Variants in CCDC66 observed in about 807,000 individuals in gnomAD.
CCDC66 encodes the protein coiled-coil domain containing 66, also known as coiled-coil domain-containing protein 66.
CCDC66 carries 133 observed loss-of-function variants against 128.3 expected under a neutral mutation model. The ratio of observed to expected loss-of-function variants is 1.04; its 90% CI spans 0.90 to 1.20. The LOEUF (loss-of-function observed/expected upper bound fraction) is 1.20, where lower values mean the gene tolerates loss of function less well. Ranked by LOEUF, CCDC66 falls within the 50% of genes most tolerant of loss-of-function variation. The probability of loss-of-function intolerance (pLI) is 0.00; values close to 1 mark genes in which losing one functional copy is unlikely to be tolerated. For synonymous variants in CCDC66, 387 were observed against 357.0 expected, an observed-to-expected ratio of 1.08 and a Z score of -0.95; for missense variants, 1,126 against 1,075.5, an observed-to-expected ratio of 1.05 and a Z score of -0.66.
chr3:56,575,893 A>T (rs1270321088), intron 7 of CCDC66, among the ~76,000 whole-genome samples: 1 of 151,702 alleles, frequency 6.6e-6, no homozygotes, highest in Non-Finnish European at 1.5e-5. Context: ...TGTGTATGTG[A>T]GGATTTATTT....
At chr3:56,621,341 G>T in intron 17 of CCDC66, 191 bp from the exon 18 acceptor site, 1 of 393,210 alleles carries the variant, frequency 2.5e-6, no homozygotes, top group Non-Finnish European at 4.6e-6. Context: ...GCTAAAAACA[G>T]AATCTTACAA....
chr3:56,593,871 C>T (rs1268698094), intron 9 of CCDC66, 73 bp from the exon 10 acceptor site: 1 of 1,585,984 alleles, frequency 6.3e-7, no homozygotes, highest in Non-Finnish European at 8.6e-7. Flanking sequence ...AGATTTATCC[C>T]AAACAAAAAT....
chr3:56,617,971 A>G, intron 14 of CCDC66: 1 of 604,268 alleles, frequency 1.7e-6, no homozygotes. Context: ...TATAGTCCAC[A>G]TAGACAGAGG....
chr3:56,585,116 AGGGGGAGAGGGAGAGG>A (rs1244986761), intron 7 of CCDC66, among the ~76,000 whole-genome samples: 1 of 88,324 alleles, frequency 1.1e-5, no homozygotes, highest in Non-Finnish European at 2.7e-5. Flanking sequence ...GGGGAGGGGG[AGGGGGAGAGGGAGAGG>A]GAGGGAGAGG....
At chr3:56,578,999 T>C (rs1312840997) in intron 7 of CCDC66, among the ~76,000 whole-genome samples, 1 of 151,856 alleles carries the variant, frequency 6.6e-6, no homozygotes, top group Non-Finnish European at 1.5e-5. Flanking sequence ...CAGCTCCTCT[T>C]TATACCTCTG....
At chr3:56,559,796 C>G (rs1184953404) in intron 3 of CCDC66, among the ~76,000 whole-genome samples, 1 of 152,166 alleles carries the variant, frequency 6.6e-6, no homozygotes, top group African/African-American at 2.4e-5. Flanking sequence ...GAACCTCTTT[C>G]TCTAGATAAG....
chr3:56,596,005 C>G (rs2071833307), intron 10 of CCDC66, among the ~76,000 whole-genome samples: 1 of 152,168 alleles, frequency 6.6e-6, no homozygotes, highest in Admixed American at 6.5e-5. Flanking sequence ...GCCTCATACC[C>G]CTGGGCTCAA....
chr3:56,565,180 G>C (rs55831745), intron 4 of CCDC66: 162,817 of 412,810 alleles, frequency 0.39, 38,434 homozygotes, highest in Non-Finnish European at 0.53. Context: ...TGATTTCACA[G>C]CTAAATAAGA....
Position 56,557,200 on chromosome 3 carries a change from CA to C in CCDC66, c.-41del. The C allele has an allele frequency of 6.4e-7, 1 of 1,551,202 alleles. No individual in the cohort carries two copies. The highest frequency in any genetic ancestry group is 1.4e-5 in the African/African-American group (1 of 73,124). On this transcript the variant is annotated 5_prime_UTR_variant, in exon 1 of 18. Transcript: ENST00000394672. ...GAGCGGCGGCGGCAACCGACGTACA[CA>C]AGGGGCTTGAGCGTTCTGTGGAGAG...
At chr3:56,605,759 C>T (rs2073975502) in intron 10 of CCDC66, among the ~76,000 whole-genome samples, 1 of 152,034 alleles carries the variant, frequency 6.6e-6, no homozygotes, top group Non-Finnish European at 1.5e-5. Context: ...CAGGGACCCA[C>T]TTGAGGAGGC....
At position 56,566,550 on chromosome 3, in the gene CCDC66, A is replaced by G. The variant is rs760726995; in HGVS notation, c.545-44A>G. On this transcript the variant is annotated intron_variant, in intron 4 of 17. Transcript: ENST00000394672. Reference sequence around the variant, plus strand: ...AGCACTATGCCAAGTATTATAACAGATGTAATTTAGTGTTAATTTTAAAAC... The same window carrying G: ...AGCACTATGCCAAGTATTATAACAGGTGTAATTTAGTGTTAATTTTAAAAC... 4.8e-6 allele frequency: 6 copies of G among 1,254,586 alleles called. No homozygotes were observed. The African/African-American group carries it at 7.4e-5, about 16-fold the overall frequency. The allele number at this position is 1,254,586 out of a possible 1,614,324, so 77.7% of individuals were successfully genotyped here. A position where few individuals can be genotyped will look rare whatever the true frequency, so the allele number is the denominator to read the frequency against.
At chr3:56,567,888 C>CACTG (rs1402814395) in intron 6 of CCDC66, among the ~76,000 whole-genome samples, 1 of 151,926 alleles carries the variant, frequency 6.6e-6, no homozygotes, top group Non-Finnish European at 1.5e-5. Context: ...GACGGGGTTT[C>CACTG]ACTGTGTTAG....
chr3:56,583,929 C>T (rs1577516381), intron 7 of CCDC66, among the ~76,000 whole-genome samples: 2 of 88,768 alleles, frequency 2.3e-5, no homozygotes, highest in South Asian at 6.3e-4. Flanking sequence ...CGGGGGCTGC[C>T]CCCCACCTCC....
At position 56,593,660 on chromosome 3, in the gene CCDC66, G is replaced by T. The variant is rs1296430882; in HGVS notation, c.1238G>T (p.Gly413Val). The T allele has an allele frequency of 6.2e-7, 1 of 1,614,076 alleles. No homozygotes were observed. The highest frequency in any genetic ancestry group is 8.5e-7 in the Non-Finnish European group (1 of 1,180,048). The change falls in exon 9 of 18, where the codon GGA becomes GTA. Residue 413 changes from glycine to valine, a missense_variant. By Grantham distance (109) the Gly-to-Val change is moderately radical. Coordinates refer to ENST00000394672, the MANE Select transcript of CCDC66 (RefSeq NM_001141947.3). ...DVSSVCTPTT[G>V]SQVEPSEEEH... is the part of the protein sequence containing the mutation. ...AGCAGTGTTTGTACACCTACAACCG[G>T]AAGCCAGGTTGAACCTTCAGAGGAG...
chr3:56,608,727 G>A (rs1451097760), intron 10 of CCDC66, among the ~76,000 whole-genome samples: 1 of 152,040 alleles, frequency 6.6e-6, no homozygotes, highest in Non-Finnish European at 1.5e-5. Flanking sequence ...AGACTTTTTT[G>A]ATGTAGGTGT....
intron 12 of CCDC66, among the ~76,000 whole-genome samples, chr3:56,615,713 A>G (rs1226289549): frequency 1.3e-5 from 2 of 152,184 alleles, no homozygotes; most frequent in African/African-American, 4.8e-5. Context: ...TAAAATGTGT[A>G]CTTTTTGTGT....
intron 11 of CCDC66, among the ~76,000 whole-genome samples, chr3:56,614,431 C>A (rs1458634056): frequency 6.6e-6 from 1 of 152,234 alleles, no homozygotes; most frequent in East Asian, 1.9e-4. Context: ...TAGGAACATA[C>A]ATTTGCAGAA....
chr3:56,619,756 GTTACT>G lies in CCDC66; in HGVS notation c.2636-18_2636-14del. On this transcript the variant is annotated splice_polypyrimidine_tract_variant and intron_variant, in intron 16 of 17. Coordinates refer to ENST00000394672, the MANE Select transcript of CCDC66 (RefSeq NM_001141947.3). ...TTTTACTAATGTAATTGACTGACTTGTTACTTTCATCTGGCTTTAGACTGTGGCCA... is the reference window on the plus strand; with the variant it reads ...TTTTACTAATGTAATTGACTGACTTGTTCATCTGGCTTTAGACTGTGGCCA... 1 of 1,612,196 alleles carries G rather than the reference GTTACT, an allele frequency of 6.2e-7. No individual in the cohort carries two copies. Among genetic ancestry groups the G allele is most frequent in the Non-Finnish European group, 8.5e-7 (1 of 1,179,132 alleles).
intron 10 of CCDC66, among the ~76,000 whole-genome samples, chr3:56,609,314 C>T (rs920443645): frequency 6.6e-6 from 1 of 152,158 alleles, no homozygotes; most frequent in African/African-American, 2.4e-5. Flanking sequence ...TGATGTTCTC[C>T]TGTTGGACCA....
Sources: allele counts gnomAD v4.1 joint callset (sites outside exome capture counted in the v4.1 genomes callset), GRCh38; gene constraint gnomAD v4.1.1; transcripts MANE v1.5; gene names NCBI Gene and HGNC (gene_info 2026-07-23, HGNC 2026-07-21).